The following GRAMD4 variants were observed in gnomAD, a reference collection of about 807,000 sequenced individuals.
GRAMD4 encodes the protein GRAM domain containing 4, also known as GRAM domain-containing protein 4.
Under a neutral mutation model 83.9 loss-of-function variants are expected in GRAMD4, and 25 were observed. The ratio of observed to expected loss-of-function variants is 0.30; its 90% CI spans 0.22 to 0.42. GRAMD4 has a LOEUF of 0.42. Among genes scored for constraint, GRAMD4 ranks in the 10% least tolerant of loss-of-function variants. The pLI, the probability that GRAMD4 is intolerant of heterozygous loss-of-function variation, is 1.00. For missense variants in GRAMD4, 593 were observed against 788.7 expected (o/e 0.75, Z 2.97); for synonymous variants, 336 against 320.9 (o/e 1.05, Z -0.50).
chr22:46,587,548 G>T (rs971276781), intron 1 of GRAMD4, among the ~76,000 whole-genome samples: 24 of 151,904 alleles, frequency 1.6e-4, no homozygotes, highest in Non-Finnish European at 8.8e-5. Flanking sequence ...AAAGGCTTGA[G>T]GGGGAGGGCC....
At chr22:46,666,374 C>A (rs2082409078) in intron 9 of GRAMD4, among the ~76,000 whole-genome samples, 1 of 152,258 alleles carries the variant, frequency 6.6e-6, no homozygotes, top group Non-Finnish European at 1.5e-5. Flanking sequence ...TTTGACTTGG[C>A]CGTTCAAAAG....
chr22:46,677,760 G>A lies in GRAMD4; in HGVS notation c.*509G>A, dbSNP rs906469668. ...GGCCTTTCACCAACCACCGAGAAAC[G>A]GGCCTGGCGGCCCTCCTTCCTCTTA... On this transcript the variant is annotated 3_prime_UTR_variant, in exon 19 of 19. Transcript: ENST00000406902. 5 of 986,016 alleles carry A rather than the reference G, an allele frequency of 5.1e-6. No homozygotes were observed. The highest frequency in any genetic ancestry group is 9.4e-5 in the South Asian group (2 of 21,332). The allele number at this position is 986,016 out of a possible 1,614,324, so 61.1% of individuals were successfully genotyped here. A position where few individuals can be genotyped will look rare whatever the true frequency, so the allele number is the denominator to read the frequency against.
intron 1 of GRAMD4, chr22:46,577,414 G>GCCGCCGCCA: frequency 2.0e-6 from 1 of 499,284 alleles, no homozygotes; most frequent in Non-Finnish European, 2.6e-6. Flanking sequence ...CGCCGCCGCC[G>GCCGCCGCCA]CCCGGGCCCG....
chr22:46,576,250 T>A (rs2081041931), upstream of GRAMD4, among the ~76,000 whole-genome samples: 1 of 152,108 alleles, frequency 6.6e-6, no homozygotes, highest in South Asian at 2.1e-4. Context: ...CCACCCCAAC[T>A]CCTCGCAACC....
chr22:46,640,214 G>A lies in GRAMD4; in HGVS notation c.283+2254G>A, dbSNP rs184384732. 4.3e-4 allele frequency among the ~76,000 whole-genome samples: 65 copies of A among 152,276 alleles called. 3 individuals are homozygous for A. In the East Asian group the frequency reaches 7.3e-3, roughly 17 times the overall value. ...TGAGTTGAAGTGGTTGAATATTGAC[G>A]GTTTTTCAGTCATGGGGCAGGGGGT... is the stretch of plus-strand genomic sequence containing the variant. On this transcript the variant is annotated intron_variant, in intron 3 of 18. Coordinates refer to ENST00000406902, the MANE Select transcript of GRAMD4 (RefSeq NM_015124.5).
rs2081573967 is a variant in GRAMD4, at chr22:46,621,472, G to T, written c.-50+907G>T. Among the ~76,000 whole-genome samples the T allele has an allele frequency of 6.6e-6, 1 of 152,088 alleles. No individual in the cohort carries two copies. On this transcript the variant is annotated intron_variant, in intron 1 of 18. Coordinates refer to ENST00000406902, the MANE Select transcript of GRAMD4 (RefSeq NM_015124.5). The surrounding 1 kb of genome is among the most constrained non-coding windows in gnomAD (Gnocchi z 5.8). ...GCACCCCTACCCCGGTGCAGGCGCAGGCTGGAGGCGTAGCCCGGGCCCATC... is the reference window on the plus strand; with the variant it reads ...GCACCCCTACCCCGGTGCAGGCGCATGCTGGAGGCGTAGCCCGGGCCCATC...
At chr22:46,593,661 T>C (rs2081232440) in intron 1 of GRAMD4, among the ~76,000 whole-genome samples, 1 of 152,210 alleles carries the variant, frequency 6.6e-6, no homozygotes, top group African/African-American at 2.4e-5. Flanking sequence ...GGATGCGTCA[T>C]TGGCCTGGGG....
At chr22:46,665,473 C>T (rs1396007697) in intron 8 of GRAMD4, 142 bp from the exon 9 acceptor site, 5 of 597,608 alleles carry the variant, frequency 8.4e-6, no homozygotes, top group African/African-American at 1.8e-5. Flanking sequence ...CCATCAGACG[C>T]ACCCTCATCC....
At position 46,599,934 on chromosome 22, in the gene GRAMD4, T is replaced by C. The variant is rs114888277; in HGVS notation, c.-50+22644T>C. On this transcript the variant is annotated intron_variant, in intron 1 of 1. Transcript: ENST00000431155. ...TGAGTCAGTGAGAATCCCAGGTGTG[T>C]CTCACCACCGGCGGCACCTTCTCCC... Among the ~76,000 whole-genome samples, 635 of 151,938 alleles carry C rather than the reference T, an allele frequency of 4.2e-3. 3 individuals are homozygous for C. Among genetic ancestry groups the C allele is most frequent in the African/African-American group, 0.015 (606 of 41,520 alleles).
In GRAMD4 at chr22:46,621,727, C is replaced by T. The variant is rs535790097; in HGVS notation, c.-50+1162C>T. 2.9e-3 allele frequency among the ~76,000 whole-genome samples: 431 copies of T among 151,142 alleles called. 1 individual carries two copies. Among genetic ancestry groups the T allele is most frequent in the African/African-American group, 9.1e-3 (372 of 40,704 alleles). On this transcript the variant is annotated intron_variant, in intron 1 of 18. Coordinates refer to ENST00000406902, the MANE Select transcript of GRAMD4 (RefSeq NM_015124.5). This position sits in a 1 kb window ranked among gnomAD's most constrained non-coding sequence, Gnocchi z 5.8. ...CCCGGGCCCGTCCCTGGCGCTGTGT[C>T]GCGGAGGGCACCCCTACCCCGGTGC...
intron 3 of GRAMD4, among the ~76,000 whole-genome samples, chr22:46,639,962 A>C (rs2081951475): frequency 6.6e-6 from 1 of 152,100 alleles, no homozygotes. Context: ...CGACCTCACC[A>C]GCCTGCAGTG....
chr22:46,665,539 G>T (rs538447804), intron 8 of GRAMD4, 76 bp from the exon 9 acceptor site: 22 of 781,898 alleles, frequency 2.8e-5, no homozygotes, highest in Middle Eastern at 3.5e-4. Context: ...GCCGCCTGGT[G>T]GGGGGAGGCG....
chr22:46,588,054 G>C (rs908526844), intron 1 of GRAMD4: 1 of 623,512 alleles, frequency 1.6e-6, no homozygotes, highest in South Asian at 7.0e-5. Context: ...TTTAGAGAGA[G>C]ACTCTGGGAC....
intron 1 of GRAMD4, among the ~76,000 whole-genome samples, chr22:46,580,507 A>ACTAT (rs1482005381): frequency 4.9e-4 from 75 of 152,362 alleles, no homozygotes; most frequent in African/African-American, 1.7e-3. Context: ...CCAAGGGGAC[A>ACTAT]GTTATGTGAA....
Position 46,641,022 on chromosome 22 carries a change from AGCC to A in GRAMD4, c.283+3065_283+3067del, listed in dbSNP as rs571494046. Among the ~76,000 whole-genome samples the A allele has an allele frequency of 3.6e-3, 545 of 152,302 alleles. 3 individuals carry two copies. The highest frequency in any genetic ancestry group is 0.013 in the African/African-American group (522 of 41,550). ...GCTCAAATTTCCCTGATAGGGATCG[AGCC>A]GCTGCACTCCAGCCCGGATGACAGA... On this transcript the variant is annotated intron_variant, in intron 3 of 18. Transcript: ENST00000406902.
intron 13 of GRAMD4, among the ~76,000 whole-genome samples, chr22:46,669,628 T>G (rs1262341511): frequency 1.3e-5 from 2 of 151,194 alleles, no homozygotes; most frequent in East Asian, 1.9e-4. Context: ...CAGGCTGGAG[T>G]GCAGTGGCGT....
At chr22:46,588,409 T>C (rs875778) in intron 1 of GRAMD4, among the ~76,000 whole-genome samples, 110,984 of 152,154 alleles carry the variant, frequency 0.73, 40,850 homozygotes, top group East Asian at 0.92. Context: ...TCTGTGGATG[T>C]GGGGCAGACC....
chr22:46,611,984 G>A (rs1336466791), intron 1 of GRAMD4, among the ~76,000 whole-genome samples: 4 of 102,802 alleles, frequency 3.9e-5, no homozygotes, highest in African/African-American at 1.5e-4. Flanking sequence ...GAGACACAGC[G>A]AGACTCCATC....
At chr22:46,676,516 A>T in intron 17 of GRAMD4, 84 bp from the exon 18 acceptor site, 2 of 1,239,034 alleles carry the variant, frequency 1.6e-6, no homozygotes, top group Non-Finnish European at 2.3e-6. Context: ...TGCCCAGTGG[A>T]GGAGGATGCC....
Sources: allele counts gnomAD v4.1 joint callset (sites outside exome capture counted in the v4.1 genomes callset), GRCh38; gene constraint gnomAD v4.1.1; non-coding constraint Gnocchi (gnomAD v3.1); transcripts MANE v1.5; gene names NCBI Gene and HGNC (gene_info 2026-07-23, HGNC 2026-07-21).